Variants in EPHA5 observed in about 807,000 individuals in gnomAD.
The protein encoded by EPHA5 is ephrin type-A receptor 5.
Under a neutral mutation model 105.0 loss-of-function variants are expected in EPHA5, and 60 were observed. That is an observed-to-expected ratio of 0.57 (90% CI 0.46 to 0.71). The LOEUF (loss-of-function observed/expected upper bound fraction) is 0.71, where lower values mean the gene tolerates loss of function less well. Ranked by LOEUF, EPHA5 falls within the 30% of genes least tolerant of loss-of-function variation. The pLI is 0.00. For synonymous variants in EPHA5, 513 were observed against 449.1 expected (o/e 1.14, Z -1.80); for missense variants, 1,218 against 1,274.7 (o/e 0.96, Z 0.68).
At chr4:65,627,948 C>A (rs1427399155) in intron 2 of EPHA5, among the ~76,000 whole-genome samples, 2 of 151,808 alleles carry the variant, frequency 1.3e-5, no homozygotes, top group African/African-American at 4.8e-5. Flanking sequence ...ATTAACTGTC[C>A]TTTTTTAATA....
At chr4:65,348,323 G>A in intron 13 of EPHA5, 120 bp from the exon 14 acceptor site, 1 of 900,150 alleles carries the variant, frequency 1.1e-6, no homozygotes, top group Non-Finnish European at 1.7e-6. Context: ...CTGTTTGACA[G>A]CGCGCAGTGT....
intron 8 of EPHA5, among the ~76,000 whole-genome samples, chr4:65,387,560 A>T (rs1720228530): frequency 6.6e-6 from 1 of 151,918 alleles, no homozygotes; most frequent in Non-Finnish European, 1.5e-5. Context: ...TTAATAATAC[A>T]TCATTAAGCC....
At chr4:65,527,166 A>T (rs1735315445) in intron 3 of EPHA5, among the ~76,000 whole-genome samples, 1 of 152,130 alleles carries the variant, frequency 6.6e-6, no homozygotes, top group African/African-American at 2.4e-5. Flanking sequence ...TATTTACTAT[A>T]CTAACATTCA....
At chr4:65,570,561 C>A (rs1205402695) in intron 3 of EPHA5, among the ~76,000 whole-genome samples, 1 of 151,464 alleles carries the variant, frequency 6.6e-6, no homozygotes. Flanking sequence ...TCCAGAATAG[C>A]CCTAATCAGC....
intron 2 of EPHA5, among the ~76,000 whole-genome samples, chr4:65,637,594 A>ATATATATG (rs1390945299): frequency 6.8e-6 from 1 of 146,214 alleles, no homozygotes; most frequent in African/African-American, 2.5e-5. Context: ...ATATATATAT[A>ATATATATG]TATACGTATA....
At chr4:65,563,195 C>T (rs910461422) in intron 3 of EPHA5, among the ~76,000 whole-genome samples, 1 of 151,908 alleles carries the variant, frequency 6.6e-6, no homozygotes, top group Admixed American at 6.6e-5. Flanking sequence ...TACTTTAGAT[C>T]CCCATTTGGC....
chr4:65,413,783 T>A (rs910246386), intron 7 of EPHA5, among the ~76,000 whole-genome samples: 2 of 152,114 alleles, frequency 1.3e-5, no homozygotes, highest in African/African-American at 4.8e-5. Context: ...TCAAAAAGGG[T>A]GCTCCAAAAA....
chr4:65,345,807 C>G (rs1272682093), intron 14 of EPHA5, among the ~76,000 whole-genome samples: 1 of 151,998 alleles, frequency 6.6e-6, no homozygotes, highest in Non-Finnish European at 1.5e-5. Flanking sequence ...GAGTCTCGCT[C>G]TGTCGCCCAG....
intron 5 of EPHA5, among the ~76,000 whole-genome samples, chr4:65,460,856 A>G (rs1728057784): frequency 6.6e-6 from 1 of 151,816 alleles, no homozygotes; most frequent in African/African-American, 2.4e-5. Flanking sequence ...GAATTATTTT[A>G]TACCACAGTG....
intron 14 of EPHA5, among the ~76,000 whole-genome samples, chr4:65,338,471 CTT>C (rs550204699): frequency 6.6e-6 from 1 of 150,624 alleles, no homozygotes; most frequent in Non-Finnish European, 1.5e-5. Flanking sequence ...CTTTAGCACC[CTT>C]TTTTTTTCAA....
Position 65,332,113 on chromosome 4 carries a change from C to A in EPHA5, c.2805G>T (p.Leu935Phe), listed in dbSNP as rs2148799594. The A allele has an allele frequency of 6.3e-7, 1 of 1,599,714 alleles. No homozygotes were observed. Residue 935 changes from leucine (L) to phenylalanine (F), a missense_variant, in exon 16 of 17, where the codon TTG becomes TTT. Around this residue, in one of 3 missense-constraint regions of EPHA5, gnomAD observed 971 missense variants for 1,013.5 expected, o/e 0.96. Transcript: ENST00000613740. Reference sequence around the variant, plus strand: ...CAGATCCTAGTGGGCTATGTTCTGCCAATAAATTAGATACTCTAAAACACA... The same window carrying A: ...CAGATCCTAGTGGGCTATGTTCTGCAAATAAATTAGATACTCTAAAACACA... ...VNASCRVSNL[L>F]AEHSPLGSGA...
At chr4:65,532,672 T>G (rs1259018502) in intron 3 of EPHA5, among the ~76,000 whole-genome samples, 371 of 6,184 alleles carry the variant, frequency 0.06, 1 homozygote, top group Non-Finnish European at 0.1. Context: ...TTGGTTACAG[T>G]TTTTTTTTTT....
intron 2 of EPHA5, 88 bp downstream of exon 2, chr4:65,643,275 C>T (rs1201226700): frequency 4.8e-6 from 5 of 1,047,594 alleles, no homozygotes; most frequent in Non-Finnish European, 7.4e-6. Context: ...ACAACATATA[C>T]ATCCAGTACA....
intron 8 of EPHA5, among the ~76,000 whole-genome samples, chr4:65,385,108 C>T (rs1052785242): frequency 4.0e-5 from 6 of 151,716 alleles, no homozygotes; most frequent in African/African-American, 1.2e-4. Flanking sequence ...ATAAGTGATG[C>T]TGTTTTCGTC....
chr4:65,638,805 GACTC>G (rs1747389451), intron 2 of EPHA5, among the ~76,000 whole-genome samples: 2 of 152,124 alleles, frequency 1.3e-5, no homozygotes, highest in South Asian at 4.1e-4. Flanking sequence ...AGTTATATGA[GACTC>G]ACTCAAGGAC....
chr4:65,450,887 C>T (rs1490459651), intron 5 of EPHA5, among the ~76,000 whole-genome samples: 1 of 152,088 alleles, frequency 6.6e-6, no homozygotes, highest in Non-Finnish European at 1.5e-5. Context: ...CTTTTATGCA[C>T]TTTAACTTAA....
At chr4:65,663,023 C>T (rs4549449) in intron 1 of EPHA5, among the ~76,000 whole-genome samples, 130,535 of 152,114 alleles carry the variant, frequency 0.86, 56,440 homozygotes, top group Non-Finnish European at 0.91. Flanking sequence ...TTGTTATGCT[C>T]ACCTATAGTA....
intron 14 of EPHA5, among the ~76,000 whole-genome samples, chr4:65,343,672 T>A (rs939086851): frequency 6.6e-6 from 1 of 152,164 alleles, no homozygotes. Flanking sequence ...AATTAAGGCA[T>A]AGGAAATTTA....
In EPHA5 at chr4:65,331,444, G is replaced by T. The variant is rs1418264199; in HGVS notation, c.2945+529C>A. 4.8e-6 allele frequency: 5 copies of T among 1,046,854 alleles called. No individual in the cohort carries two copies. The Admixed American group carries it at 2.8e-4, about 58-fold the overall frequency. The allele number at this position is 1,046,854 out of a possible 1,614,324, so 64.8% of individuals were successfully genotyped here. On this transcript the variant is annotated intron_variant, in intron 16 of 16. Transcript: ENST00000613740. The stretch of plus-strand genomic sequence containing the variant: ...GTACCAAATAACAAATCAGAGGCGG[G>T]ATCTGATACATCCTTAGATTGAAAG...
Sources: allele counts gnomAD v4.1 joint callset (sites outside exome capture counted in the v4.1 genomes callset), GRCh38; gene constraint gnomAD v4.1.1; regional missense constraint gnomAD v4.1.1; transcripts MANE v1.5; gene names NCBI Gene and HGNC (gene_info 2026-07-23, HGNC 2026-07-21).